The following SDHAF4 variants were observed in gnomAD, a reference collection of about 807,000 sequenced individuals.
SDHAF4 encodes the protein succinate dehydrogenase complex assembly factor 4, also known as succinate dehydrogenase assembly factor 4, mitochondrial.
Under a neutral mutation model 14.3 loss-of-function variants are expected in SDHAF4, and 14 were observed. The observed-to-expected ratio is 0.98, with a 90% confidence interval of 0.65 to 1.53. SDHAF4 has a LOEUF of 1.53. Among genes scored for constraint, SDHAF4 ranks in the 40% most tolerant of loss-of-function variants. SDHAF4 has a pLI of 0.00. For missense variants in SDHAF4, 141 were observed against 129.3 expected, an observed-to-expected ratio of 1.09 and a Z score of -0.44; for synonymous variants, 63 against 47.3, an observed-to-expected ratio of 1.33 and a Z score of -1.36.
At chr6:70,570,495 A>G (rs1042068089) in intron 1 of SDHAF4, among the ~76,000 whole-genome samples, 1 of 151,832 alleles carries the variant, frequency 6.6e-6, no homozygotes, top group Non-Finnish European at 1.5e-5. Flanking sequence ...GCTAATTTTT[A>G]TATTTTTTTT....
the SDHAF4 span, among the ~76,000 whole-genome samples, chr6:70,595,539 C>G: frequency 2.0e-5 from 3 of 152,148 alleles, no homozygotes; most frequent in African/African-American, 7.2e-5. Context: ...TTCAGTCAAC[C>G]TCCAACTGCC....
At position 70,586,940 on chromosome 6, in the gene SDHAF4, G is replaced by A. The variant is rs191998431; in HGVS notation, c.218-1675G>A. On this transcript the variant is annotated intron_variant, in intron 2 of 2. Coordinates refer to ENST00000370474, the MANE Select transcript of SDHAF4 (RefSeq NM_145267.3). ...CCCCAGCACTTTGGGAGGCTGAGGC[G>A]GGTGGATCACCTGAGGTCAGGAGTT... Among the ~76,000 whole-genome samples the A allele has an allele frequency of 5.2e-3, 789 of 151,894 alleles. 8 individuals are homozygous for A. The highest frequency in any genetic ancestry group is 0.018 in the African/African-American group (726 of 41,386).
the SDHAF4 span, among the ~76,000 whole-genome samples, chr6:70,596,240 G>A: frequency 3.3e-5 from 5 of 152,178 alleles, no homozygotes; most frequent in African/African-American, 1.2e-4. Context: ...TACCCCATGG[G>A]ATCTACCACT....
intron 1 of SDHAF4, among the ~76,000 whole-genome samples, chr6:70,568,972 T>C (rs971299768): frequency 5.0e-5 from 7 of 141,374 alleles, no homozygotes; most frequent in African/African-American, 1.6e-4. Flanking sequence ...CTTTTTTTTT[T>C]TTTTTTTTTT....
the SDHAF4 span, among the ~76,000 whole-genome samples, chr6:70,595,959 T>G: frequency 3.3e-5 from 5 of 152,196 alleles, no homozygotes; most frequent in Admixed American, 1.3e-4. Flanking sequence ...ACTTATATAC[T>G]TCAAAAGCTA....
At chr6:70,572,082 TTTTTG>T in intron 1 of SDHAF4, among the ~76,000 whole-genome samples, 1 of 141,748 alleles carries the variant, frequency 7.1e-6, no homozygotes, top group South Asian at 2.3e-4. Context: ...TTTTTTTTTT[TTTTTG>T]AGACAAAGTC....
intron 2 of SDHAF4, among the ~76,000 whole-genome samples, chr6:70,588,397 G>A (rs1581933180): frequency 6.6e-6 from 1 of 152,166 alleles, no homozygotes; most frequent in African/African-American, 2.4e-5. Context: ...GCATGTGCGT[G>A]TAATCCCAGC....
intron 1 of SDHAF4, among the ~76,000 whole-genome samples, chr6:70,569,211 G>C (rs544611899): frequency 6.6e-6 from 1 of 151,750 alleles, no homozygotes; most frequent in Non-Finnish European, 1.5e-5. Flanking sequence ...TGATCCGCCC[G>C]TCTCGGCCTC....
chr6:70,566,957 T>G lies in SDHAF4; in HGVS notation c.17T>G (p.Leu6Arg). The change falls in exon 1 of 3, where the codon CTT (leucine) becomes CGT (arginine). Residue 6 changes from leucine to arginine, a missense_variant. Coordinates refer to ENST00000370474, the MANE Select transcript of SDHAF4 (RefSeq NM_145267.3). MTPSR[L>R]PWLLSWVSAT... ...GTCGGCGCCATGACCCCATCGAGGC[T>G]TCCCTGGTTGCTTAGCTGGGTCTCG... 1.3e-6 allele frequency: 2 copies of G among 1,590,930 alleles called. No homozygotes were observed. Among genetic ancestry groups the G allele is most frequent in the South Asian group, 1.1e-5 (1 of 87,158 alleles).
At chr6:70,575,480 C>CA (rs57160716) in intron 1 of SDHAF4, among the ~76,000 whole-genome samples, 21,507 of 113,146 alleles carry the variant, frequency 0.19, 1,723 homozygotes, top group Middle Eastern at 0.26. Flanking sequence ...TGTCTCTGTT[C>CA]AAAAAAAAAA....
intron 2 of SDHAF4, among the ~76,000 whole-genome samples, chr6:70,585,797 T>C (rs887862025): frequency 6.6e-6 from 1 of 151,678 alleles, no homozygotes; most frequent in Non-Finnish European, 1.5e-5. Flanking sequence ...TTGAAAAATT[T>C]TCACGGTAAA....
chr6:70,581,110 G>A (rs980612812), intron 2 of SDHAF4, among the ~76,000 whole-genome samples: 3 of 151,880 alleles, frequency 2.0e-5, no homozygotes, highest in African/African-American at 7.3e-5. Flanking sequence ...TGTATTTTTA[G>A]TAGAGATGGG....
chr6:70,567,340 A>G (rs1179726472), intron 1 of SDHAF4: 17 of 309,238 alleles, frequency 5.5e-5, no homozygotes, highest in African/African-American at 2.6e-4. Context: ...TCGATGCCCC[A>G]GAGAAAAATG....
chr6:70,593,014 C>T (rs9455181), downstream of SDHAF4, among the ~76,000 whole-genome samples: 29,368 of 152,244 alleles, frequency 0.19, 3,226 homozygotes, highest in African/African-American at 0.28. Context: ...CCAGGGCACT[C>T]TCTAAGGGCT....
At chr6:70,589,627 C>T (rs931154936), downstream of SDHAF4, 2 of 152,130 alleles carry the variant, frequency 1.3e-5, no homozygotes, top group African/African-American at 4.8e-5. Context: ...TTAAATAATA[C>T]ATTATAGTTT....
intron 1 of SDHAF4, among the ~76,000 whole-genome samples, chr6:70,570,311 C>G (rs1255453005): frequency 2.0e-5 from 3 of 152,146 alleles, no homozygotes; most frequent in Admixed American, 6.6e-5. Flanking sequence ...TGGTGACAGT[C>G]TAGTTTCTCC....
the SDHAF4 span, among the ~76,000 whole-genome samples, chr6:70,595,028 A>T: frequency 6.6e-6 from 1 of 152,186 alleles, no homozygotes; most frequent in South Asian, 2.1e-4. Flanking sequence ...GAAAAACAGG[A>T]TAAAATGGAC....
chr6:70,569,004 C>G (rs1455724787), intron 1 of SDHAF4, among the ~76,000 whole-genome samples: 1 of 114,424 alleles, frequency 8.7e-6, no homozygotes, highest in Non-Finnish European at 1.6e-5. Context: ...TTCGCTCTGT[C>G]GCCCGGGCTG....
At position 70,567,277 on chromosome 6, in the gene SDHAF4, G is replaced by T. The variant is rs900987978; in HGVS notation, c.64+273G>T. 1.8e-5 allele frequency: 9 copies of T among 496,030 alleles called. No individual in the cohort carries two copies. The Admixed American group carries it at 3.1e-4, about 17-fold the overall frequency. The allele number at this position is 496,030 out of a possible 1,614,324, so 30.7% of individuals were successfully genotyped here. A position where few individuals can be genotyped will look rare whatever the true frequency, so the allele number is the denominator to read the frequency against. ...TACCGAGCACGCGGTGGCCCAACAGGACCACAAACGTTCCGGGTTGTTCCT... is the reference window on the plus strand; with the variant it reads ...TACCGAGCACGCGGTGGCCCAACAGTACCACAAACGTTCCGGGTTGTTCCT... On this transcript the variant is annotated intron_variant, in intron 1 of 2. Transcript: ENST00000370474.
Sources: gnomAD v4.1 joint callset for allele counts (sites outside exome capture counted in the v4.1 genomes callset) on GRCh38, gnomAD v4.1.1 for gene constraint, MANE v1.5 for transcripts, NCBI Gene and HGNC (gene_info 2026-07-23, HGNC 2026-07-21) for gene names.